Variants in NRCAM observed in about 807,000 individuals in gnomAD.
NRCAM encodes the protein NgCAM-related cell adhesion molecule.
A neutral mutation model predicts 156.5 loss-of-function variants in NRCAM; 83 were observed. The observed-to-expected ratio is 0.53, with a 90% CI of 0.44 to 0.64. The LOEUF is 0.64. Among genes scored for constraint, NRCAM ranks in the 30% least tolerant of loss-of-function variants. The pLI, the probability that NRCAM is intolerant of heterozygous loss-of-function variation, is 0.00. For synonymous variants in NRCAM, 538 were observed against 563.9 expected (o/e 0.95, Z 0.65); for missense variants, 1,417 against 1,597.3 (o/e 0.89, Z 1.92).
chr7:108,328,865 T>G (rs544453873), intron 2 of NRCAM, among the ~76,000 whole-genome samples: 1 of 152,256 alleles, frequency 6.6e-6, no homozygotes, highest in South Asian at 2.1e-4. Context: ...CAAAATAACA[T>G]TTTAGAATGG....
intron 28 of NRCAM, among the ~76,000 whole-genome samples, chr7:108,171,211 C>G (rs951381962): frequency 1.6e-4 from 25 of 152,282 alleles, no homozygotes; most frequent in Middle Eastern, 3.4e-3. Flanking sequence ...GTGCCTCGCC[C>G]AACTGTAAGT....
intron 7 of NRCAM, among the ~76,000 whole-genome samples, chr7:108,231,443 A>AT (rs2094318070): frequency 6.6e-6 from 1 of 152,216 alleles, no homozygotes; most frequent in African/African-American, 2.4e-5. Context: ...TGACACAAGC[A>AT]TGTTCTTCAC....
intron 6 of NRCAM, 99 bp downstream of exon 6, chr7:108,234,484 G>T: frequency 1.3e-6 from 1 of 761,484 alleles, no homozygotes. Flanking sequence ...GCTCTACATA[G>T]TCTGCCTTGT....
chr7:108,436,087 T>C (rs914526193), intron 1 of NRCAM, among the ~76,000 whole-genome samples: 3 of 152,234 alleles, frequency 2.0e-5, no homozygotes, highest in Non-Finnish European at 4.4e-5. Flanking sequence ...TGAGCCGAGA[T>C]GGCGCCACTG....
At chr7:108,369,683 T>C (rs1179170812) in intron 2 of NRCAM, among the ~76,000 whole-genome samples, 1 of 152,150 alleles carries the variant, frequency 6.6e-6, no homozygotes, top group Non-Finnish European at 1.5e-5. Flanking sequence ...AGAACATTAT[T>C]GTGCCTTACC....
chr7:108,454,624 T>C (rs1254012496), intron 1 of NRCAM, among the ~76,000 whole-genome samples: 2 of 152,174 alleles, frequency 1.3e-5, no homozygotes, highest in Non-Finnish European at 2.9e-5. Context: ...ATTATTACAA[T>C]ATTTTAACAG....
chr7:108,453,253 A>T (rs1461651754), intron 1 of NRCAM, among the ~76,000 whole-genome samples: 1 of 152,200 alleles, frequency 6.6e-6, no homozygotes, highest in Non-Finnish European at 1.5e-5. Flanking sequence ...ATATCTGTAG[A>T]GTCTATTTAT....
intron 1 of NRCAM, among the ~76,000 whole-genome samples, chr7:108,408,406 A>C (rs938537551): frequency 6.6e-6 from 1 of 152,212 alleles, no homozygotes; most frequent in East Asian, 1.9e-4. Flanking sequence ...TGGATTCTCT[A>C]TGAGTGCCAT....
chr7:108,316,715 G>A (rs923791858), intron 2 of NRCAM, among the ~76,000 whole-genome samples: 4 of 151,898 alleles, frequency 2.6e-5, no homozygotes, highest in Non-Finnish European at 5.9e-5. Context: ...TGTGAACCCA[G>A]GAGGCAGAGC....
chr7:108,368,760 T>C (rs988174784), intron 2 of NRCAM, among the ~76,000 whole-genome samples: 1 of 152,120 alleles, frequency 6.6e-6, no homozygotes, highest in Non-Finnish European at 1.5e-5. Context: ...GCAAATAGCA[T>C]GAGAAACCGT....
intron 1 of NRCAM, among the ~76,000 whole-genome samples, chr7:108,421,265 T>C (rs1001466917): frequency 6.6e-6 from 1 of 152,158 alleles, no homozygotes; most frequent in Non-Finnish European, 1.5e-5. Flanking sequence ...AGGAGAGAAA[T>C]TAGTGTGAGC....
At chr7:108,202,654 A>T (rs950574874) in intron 13 of NRCAM, among the ~76,000 whole-genome samples, 2 of 152,200 alleles carry the variant, frequency 1.3e-5, no homozygotes, top group African/African-American at 4.8e-5. Context: ...GTGAAAAGGA[A>T]GAAGGGAGGA....
intron 13 of NRCAM, among the ~76,000 whole-genome samples, chr7:108,204,300 T>A (rs1237066047): frequency 6.6e-6 from 1 of 152,072 alleles, no homozygotes; most frequent in Non-Finnish European, 1.5e-5. Context: ...GCATGCAGGG[T>A]TCACTTTGAA....
At chr7:108,327,044 T>C (rs1294707685) in intron 2 of NRCAM, among the ~76,000 whole-genome samples, 3 of 152,204 alleles carry the variant, frequency 2.0e-5, no homozygotes, top group African/African-American at 7.2e-5. Flanking sequence ...GATTTTATTT[T>C]TAATCTACCT....
intron 1 of NRCAM, among the ~76,000 whole-genome samples, chr7:108,408,914 CCCT>C (rs1178782951): frequency 1.3e-5 from 2 of 152,122 alleles, no homozygotes; most frequent in Non-Finnish European, 2.9e-5. Flanking sequence ...GGGACTGTCA[CCCT>C]CCTCAATTCC....
At chr7:108,307,613 AT>A in intron 3 of NRCAM, among the ~76,000 whole-genome samples, 1 of 151,858 alleles carries the variant, frequency 6.6e-6, no homozygotes, top group East Asian at 1.9e-4. Flanking sequence ...CATCCAAGAG[AT>A]TTTTTTCTTT....
chr7:108,451,410 C>CA (rs59261989), intron 1 of NRCAM, among the ~76,000 whole-genome samples: 37,119 of 150,570 alleles, frequency 0.25, 4,838 homozygotes, highest in Non-Finnish European at 0.29. Flanking sequence ...AACGATGTCT[C>CA]AAAAAAAAAT....
At chr7:108,153,071 T>A (rs1254678363) in intron 32 of NRCAM, among the ~76,000 whole-genome samples, 2 of 152,122 alleles carry the variant, frequency 1.3e-5, no homozygotes, top group Admixed American at 1.3e-4. Flanking sequence ...GAATATGTCA[T>A]GAGAACCACT....
At chr7:108,447,892 A>C (rs1846225054) in intron 1 of NRCAM, among the ~76,000 whole-genome samples, 1 of 152,214 alleles carries the variant, frequency 6.6e-6, no homozygotes, top group South Asian at 2.1e-4. Context: ...ATTCTCCATT[A>C]GCCAGGCAAT....
Sources: allele counts gnomAD v4.1 joint callset (sites outside exome capture counted in the v4.1 genomes callset), GRCh38; gene constraint gnomAD v4.1.1; transcripts MANE v1.5; gene names NCBI Gene and HGNC (gene_info 2026-07-23, HGNC 2026-07-21).